Variants in NAA16 observed in about 807,000 individuals in gnomAD.
NAA16 encodes N-alpha-acetyltransferase 16, NatA auxiliary subunit.
NAA16 carries 97 observed loss-of-function variants against 110.3 expected under a neutral mutation model. That is an observed-to-expected ratio of 0.88 (90% confidence interval 0.75 to 1.04). The LOEUF (loss-of-function observed/expected upper bound fraction) is 1.04. NAA16 is among the 50% of genes least tolerant of loss of function. NAA16 has a pLI of 0.00. For missense variants in NAA16, 1,017 were observed against 1,005.1 expected (o/e 1.01, Z -0.16); for synonymous variants, 372 against 330.6 (o/e 1.13, Z -1.36).
intron 9 of NAA16, among the ~76,000 whole-genome samples, chr13:41,350,597 GTTT>G (rs377318965): frequency 5.0e-3 from 130 of 26,190 alleles, no homozygotes; most frequent in African/African-American, 0.019. Flanking sequence ...CGCCCTGCCA[GTTT>G]TTTTTTGTTT....
chr13:41,334,350 C>A (rs1048547815), intron 8 of NAA16, among the ~76,000 whole-genome samples: 1 of 152,128 alleles, frequency 6.6e-6, no homozygotes, highest in African/African-American at 2.4e-5. Flanking sequence ...ATAATCAGTT[C>A]ATCATGTTCC....
intron 5 of NAA16, among the ~76,000 whole-genome samples, chr13:41,324,872 A>G (rs1271193421): frequency 6.7e-6 from 1 of 148,888 alleles, no homozygotes; most frequent in Non-Finnish European, 1.5e-5. Context: ...GTGCCTGACA[A>G]TGTTGTGTTT....
At chr13:41,362,487 C>T (rs1169689172) in intron 13 of NAA16, 2 of 351,850 alleles carry the variant, frequency 5.7e-6, no homozygotes, top group Non-Finnish European at 5.4e-6. Flanking sequence ...AGAGGACACA[C>T]AGCTGATGGC....
chr13:41,366,845 A>G (rs1455795532), intron 13 of NAA16, among the ~76,000 whole-genome samples: 16 of 152,174 alleles, frequency 1.1e-4, no homozygotes, highest in Admixed American at 1.0e-3. Context: ...CTTAACTTAG[A>G]TTAAATAATT....
chr13:41,360,764 G>A lies in NAA16; in HGVS notation c.1411-1267G>A, dbSNP rs1468924060. On this transcript the variant is annotated intron_variant, in intron 12 of 19. Coordinates refer to ENST00000379406, the MANE Select transcript of NAA16 (RefSeq NM_024561.5). ...GCTTACTAATAAATGAGTGAAGGGC[G>A]CATATTTCCTTCTCGCAGATTTTTC... Among the ~76,000 whole-genome samples the A allele has an allele frequency of 5.3e-5, 8 of 152,290 alleles. No individual in the cohort carries two copies. The East Asian group carries it at 7.7e-4, about 15-fold the overall frequency.
intron 7 of NAA16, 91 bp downstream of exon 7, chr13:41,328,934 T>G: frequency 6.3e-6 from 7 of 1,106,506 alleles, no homozygotes; most frequent in Non-Finnish European, 6.6e-6. Flanking sequence ...ACAAATAATT[T>G]TAGCATTAGT....
intron 9 of NAA16, 24 bp from the exon 10 acceptor site, chr13:41,355,118 ATT>A: frequency 7.0e-7 from 1 of 1,420,646 alleles, no homozygotes. Context: ...ATATTTTTAA[ATT>A]TTAAAAATAT....
At chr13:41,337,831 T>C (rs1384979175) in intron 9 of NAA16, among the ~76,000 whole-genome samples, 4 of 152,204 alleles carry the variant, frequency 2.6e-5, no homozygotes, top group Non-Finnish European at 1.5e-5. Context: ...AATAATACAA[T>C]GTTGGAAACA....
At position 41,343,506 on chromosome 13, in the gene NAA16, CT is replaced by C. The variant is rs1379106372; in HGVS notation, c.1014+6751del. On this transcript the variant is annotated intron_variant, in intron 9 of 19. Transcript: ENST00000379406. ...ATAAATTTTGTTCTTTGTTTTCCCC[CT>C]AGCAGTTTCTTTTTAAAAATTTGTT... Among the ~76,000 whole-genome samples, 5 of 152,042 alleles carry C rather than the reference CT, an allele frequency of 3.3e-5. No individual in the cohort carries two copies. In the South Asian group the frequency reaches 8.3e-4, roughly 25 times the overall value.
At chr13:41,345,629 C>A (rs1014539679) in intron 9 of NAA16, among the ~76,000 whole-genome samples, 9 of 152,130 alleles carry the variant, frequency 5.9e-5, no homozygotes, top group Admixed American at 2.0e-4. Context: ...GTCACCCAGG[C>A]TGGAGTACAG....
At chr13:41,369,486 GCAGAGTAATGGC>G (rs1438882433) in intron 15 of NAA16, among the ~76,000 whole-genome samples, 2 of 152,150 alleles carry the variant, frequency 1.3e-5, no homozygotes, top group African/African-American at 4.8e-5. Flanking sequence ...ATTGTGGTAG[GCAGAGTAATGGC>G]CCTGCAAAGG....
intron 9 of NAA16, among the ~76,000 whole-genome samples, chr13:41,337,329 G>A (rs1405787572): frequency 1.3e-5 from 2 of 152,088 alleles, no homozygotes; most frequent in African/African-American, 4.8e-5. Context: ...AGATCGCGAG[G>A]TCAGGAAATT....
At chr13:41,344,168 G>A (rs2042625137) in intron 9 of NAA16, among the ~76,000 whole-genome samples, 1 of 152,138 alleles carries the variant, frequency 6.6e-6, no homozygotes, top group Admixed American at 6.5e-5. Flanking sequence ...AGTGGGTAAA[G>A]GATATGAACA....
intron 14 of NAA16, 152 bp downstream of exon 14, chr13:41,367,804 C>A: frequency 1.9e-6 from 1 of 534,906 alleles, no homozygotes; most frequent in Non-Finnish European, 3.2e-6. Flanking sequence ...AAAAATGTTG[C>A]AGAGAGAGTT....
chr13:41,327,106 GT>G (rs1263504240), intron 6 of NAA16, among the ~76,000 whole-genome samples: 1 of 151,616 alleles, frequency 6.6e-6, no homozygotes. Flanking sequence ...AGTAGTGTAT[GT>G]TTTTTTTCCC....
intron 1 of NAA16, among the ~76,000 whole-genome samples, 184 bp downstream of exon 1, chr13:41,311,766 C>G (rs547383657): frequency 2.6e-5 from 4 of 152,334 alleles, no homozygotes; most frequent in South Asian, 4.1e-4. Flanking sequence ...GCTGCCGAGC[C>G]GCTCCTCCGT....
intron 6 of NAA16, among the ~76,000 whole-genome samples, chr13:41,327,421 G>A (rs527834045): frequency 1.1e-4 from 16 of 150,592 alleles, no homozygotes; most frequent in Admixed American, 4.6e-4. Context: ...AATAGGAAAT[G>A]CATTCAATAT....
intron 9 of NAA16, among the ~76,000 whole-genome samples, chr13:41,340,511 A>G (rs1274692760): frequency 6.6e-6 from 1 of 152,050 alleles, no homozygotes; most frequent in Non-Finnish European, 1.5e-5. Flanking sequence ...TGTGTCCCAG[A>G]GATCGTGGTA....
At position 41,369,276 on chromosome 13, in the gene NAA16, T is replaced by C; in HGVS notation, c.1940T>C (p.Leu647Ser). ...GLKEELIPEK[L>S]ERVENPLEEA... ...AAGGAAGAACTTATACCTGAAAAAT[T>C]AGAAAGGGTGAGATGGGTTTTACTA... Residue 647 changes from leucine (L) to serine (S), a missense_variant, in exon 15 of 20, where the codon TTA (leucine) becomes TCA (serine). By Grantham distance (145) the Leu-to-Ser change is moderately radical. Transcript: ENST00000379406. The C allele has an allele frequency of 6.4e-7, 1 of 1,563,778 alleles. No homozygotes were observed. The highest frequency in any genetic ancestry group is 8.6e-7 in the Non-Finnish European group (1 of 1,165,516).
Sources: allele counts gnomAD v4.1 joint callset (sites outside exome capture counted in the v4.1 genomes callset), GRCh38; gene constraint gnomAD v4.1.1; transcripts MANE v1.5; gene names NCBI Gene and HGNC (gene_info 2026-07-23, HGNC 2026-07-21).